NBPF20: variants seen among roughly 807,000 people sequenced by gnomAD.
NBPF20 encodes NBPF family member NBPF20.
In NBPF20, 90 loss-of-function variants were observed where a neutral mutation model predicts 68.1. The ratio of observed to expected loss-of-function variants is 1.32; its 90% CI spans 1.11 to 1.58. The LOEUF is 1.58. NBPF20 is among the 40% of genes most tolerant of loss of function. The pLI is 0.00. For missense variants in NBPF20, 816 were observed against 601.2 expected, an observed-to-expected ratio of 1.36 and a Z score of -3.74; for synonymous variants, 290 against 228.1, an observed-to-expected ratio of 1.27 and a Z score of -2.45.
chr1:145,419,004 C>G, the NBPF20 span, among the ~76,000 whole-genome samples: 21 of 137,438 alleles, frequency 1.5e-4, no homozygotes, highest in African/African-American at 5.5e-4. Context: ...AAAGAGAGAG[C>G]ATGAGAGACA....
intron 7 of NBPF20, among the ~76,000 whole-genome samples, chr1:145,396,351 T>C (rs1369753593): frequency 6.6e-6 from 1 of 151,372 alleles, no homozygotes; most frequent in Admixed American, 6.6e-5. Flanking sequence ...TATGGGACTA[T>C]GTGGAAAGAC....
upstream of NBPF20, among the ~76,000 whole-genome samples, chr1:145,407,573 G>C (rs1357458174): frequency 6.9e-6 from 1 of 145,416 alleles, no homozygotes. Context: ...TATATAACAC[G>C]TGTATATATA....
the NBPF20 span, among the ~76,000 whole-genome samples, chr1:145,423,806 C>T: frequency 6.6e-6 from 1 of 152,052 alleles, no homozygotes; most frequent in Non-Finnish European, 1.5e-5. Context: ...AATATCCCTG[C>T]TAAATGGTAC....
the NBPF20 span, among the ~76,000 whole-genome samples, chr1:145,421,490 A>G: frequency 2.6e-5 from 4 of 152,330 alleles, no homozygotes; most frequent in East Asian, 7.7e-4. Flanking sequence ...AGATTGTTGA[A>G]TATGGTATTA....
chr1:145,292,169 G>C (rs868951174), intron 137 of NBPF20, among the ~76,000 whole-genome samples: 1 of 149,956 alleles, frequency 6.7e-6, no homozygotes, highest in Non-Finnish European at 1.5e-5. Flanking sequence ...TACAGCTTTT[G>C]AAGTATGGTC....
At chr1:145,291,759 C>G (rs200471641) in exon 138 of NBPF20, 11 of 1,611,790 alleles carry the variant, frequency 6.8e-6, no homozygotes, top group Admixed American at 1.7e-5. Flanking sequence ...TCCATCAGCA[C>G]GCCGTTGAGC....
intron 2 of NBPF20, among the ~76,000 whole-genome samples, chr1:145,404,253 A>C (rs1327879948): frequency 8.2e-6 from 1 of 121,912 alleles, no homozygotes; most frequent in African/African-American, 3.4e-5. Context: ...TTTTTGATTT[A>C]TTTATCTTTT....
At chr1:145,290,100 G>C (rs1065210) in exon 138 of NBPF20, 1 of 149,346 alleles carries the variant, frequency 6.7e-6, no homozygotes, top group African/African-American at 2.5e-5. Context: ...TGCAACAGCA[G>C]ACACTAGTAA....
intron 3 of NBPF20, 116 bp downstream of exon 8, chr1:145,403,100 T>C: frequency 9.2e-7 from 1 of 1,087,518 alleles, no homozygotes. Context: ...GAGCCTGCCA[T>C]GGCAATTCCT....
upstream of NBPF20, among the ~76,000 whole-genome samples, chr1:145,406,301 T>C (rs1201704603): frequency 1.3e-5 from 2 of 151,440 alleles, no homozygotes; most frequent in African/African-American, 2.4e-5. Flanking sequence ...CCTTGTTTCA[T>C]TTTGTTTTGG....
chr1:145,292,061 G>A lies in NBPF20; in HGVS notation c.16698-292C>T, dbSNP rs587756203. The stretch of plus-strand genomic sequence containing the variant: ...GGGAGTCAAAGGACACTCTGAGTTA[G>A]TGTCCTCATGACACACAGCAAACTG... On this transcript the variant is annotated intron_variant, in intron 137 of 137. Transcript: ENST00000369373. Among the ~76,000 whole-genome samples the A allele has an allele frequency of 2.7e-5, 4 of 149,382 alleles. 1 individual carries two copies. Among genetic ancestry groups the A allele is most frequent in the African/African-American group, 7.7e-5 (3 of 38,768 alleles).
At chr1:145,411,008 A>G in the NBPF20 span, among the ~76,000 whole-genome samples, 4 of 138,544 alleles carry the variant, frequency 2.9e-5, no homozygotes, top group African/African-American at 1.0e-4. Context: ...ACTGATATAT[A>G]TTCCATTTTT....
In NBPF20 at chr1:145,403,836, G is replaced by A. The variant is rs1203377684; in HGVS notation, c.176-518C>T. 6.0e-3 allele frequency among the ~76,000 whole-genome samples: 907 copies of A among 151,630 alleles called. 7 individuals are homozygous for A. The highest frequency in any genetic ancestry group is 7.6e-3 in the Non-Finnish European group (513 of 67,928). ...TTAAGAATCATATCTGAAGCATAAA[G>A]TGTGACACATAACACCTTAAGGCCA... On this transcript the variant is annotated intron_variant, in intron 2 of 137. Coordinates refer to ENST00000369373, the Ensembl canonical transcript of NBPF20.
rs1300309385 is a variant in NBPF20 at position 145,291,856 on chromosome 1, G to A, written c.16698-87C>T. 2.2e-5 allele frequency: 36 copies of A among 1,608,008 alleles called. No homozygotes were observed. In the Admixed American group the frequency reaches 5.6e-4, roughly 25 times the overall value. ...TAGATTTCAGAAGTCACATAAGGAAGTGGTTAGAAAAGAAAAAGGATAGAT... is the reference window on the plus strand; with the variant it reads ...TAGATTTCAGAAGTCACATAAGGAAATGGTTAGAAAAGAAAAAGGATAGAT... On this transcript the variant is annotated intron_variant, in intron 137 of 137. Coordinates refer to ENST00000369373, the Ensembl canonical transcript of NBPF20.
intron 10 of NBPF20, 74 bp downstream of exon 15, chr1:145,393,000 C>T (rs1298439237): frequency 1.1e-5 from 4 of 366,284 alleles, no homozygotes; most frequent in Non-Finnish European, 1.8e-5. Flanking sequence ...TCAGTAAGGG[C>T]CACTTGCAGT....
At chr1:145,412,381 C>A in the NBPF20 span, among the ~76,000 whole-genome samples, 10 of 152,174 alleles carry the variant, frequency 6.6e-5, no homozygotes, top group East Asian at 1.7e-3. Flanking sequence ...AACCACTGAA[C>A]CAATTCTATG....
At chr1:145,406,001 C>A (rs1351857831), upstream of NBPF20, among the ~76,000 whole-genome samples, 2 of 150,848 alleles carry the variant, frequency 1.3e-5, no homozygotes, top group African/African-American at 2.4e-5. Flanking sequence ...TCACTGCAAG[C>A]TCTGCCTCCC....
At chr1:145,290,460 A>C (rs1373099512) in exon 138 of NBPF20, 4 of 149,926 alleles carry the variant, frequency 2.7e-5, no homozygotes, top group African/African-American at 9.8e-5. Flanking sequence ...GGCTGAATTT[A>C]ATCATGAAGA....
chr1:145,292,523 A>C (rs201058548), intron 136 of NBPF20, 34 bp from the exon 142 acceptor site: 12 of 690,368 alleles, frequency 1.7e-5, no homozygotes, highest in Non-Finnish European at 2.8e-5. Flanking sequence ...AGACACATTA[A>C]GCTGATTCCC....
Sources: allele counts gnomAD v4.1 joint callset (sites outside exome capture counted in the v4.1 genomes callset), GRCh38; gene constraint gnomAD v4.1.1; transcripts MANE v1.5; gene names NCBI Gene and HGNC (gene_info 2026-07-23, HGNC 2026-07-21).